SNX29: variants seen among roughly 807,000 people sequenced by gnomAD.
SNX29 encodes sorting nexin-29.
SNX29 carries 78 observed loss-of-function variants against 102.1 expected under a neutral mutation model. That is an observed-to-expected ratio of 0.76 (90% CI 0.64 to 0.92). The LOEUF is 0.92. SNX29 is among the 40% of genes least tolerant of loss of function. The pLI, the probability that SNX29 is intolerant of heterozygous loss-of-function variation, is 0.00. For synonymous variants in SNX29, 580 were observed against 414.5 expected, an observed-to-expected ratio of 1.40 and a Z score of -4.85; for missense variants, 1,280 against 1,061.7, an observed-to-expected ratio of 1.21 and a Z score of -2.86.
At chr16:12,221,373 G>T (rs1034452079) in intron 14 of SNX29, among the ~76,000 whole-genome samples, 2 of 152,186 alleles carry the variant, frequency 1.3e-5, no homozygotes, top group Non-Finnish European at 2.9e-5. Flanking sequence ...CCAGCACTTC[G>T]GGAGGCCGAG....
intron 18 of SNX29, among the ~76,000 whole-genome samples, chr16:12,434,767 C>T (rs1298796325): frequency 6.6e-6 from 1 of 152,106 alleles, no homozygotes; most frequent in Non-Finnish European, 1.5e-5. Context: ...TGCTCCAGTC[C>T]CATGAGCACA....
intron 19 of SNX29, among the ~76,000 whole-genome samples, chr16:12,514,946 A>G (rs1013483635): frequency 4.0e-5 from 6 of 150,980 alleles, no homozygotes; most frequent in African/African-American, 9.8e-5. Flanking sequence ...GAAAGAGAGA[A>G]AGAAAGAAAA....
intron 1 of SNX29, among the ~76,000 whole-genome samples, chr16:11,993,588 A>G (rs753478489): frequency 2.0e-5 from 3 of 152,096 alleles, no homozygotes; most frequent in African/African-American, 7.2e-5. Context: ...TCGTCCGAAG[A>G]GGTAGGTTCT....
chr16:12,276,193 C>T (rs771712948), intron 14 of SNX29, among the ~76,000 whole-genome samples: 4 of 152,134 alleles, frequency 2.6e-5, no homozygotes, highest in Admixed American at 2.0e-4. Context: ...CGCACCTGGC[C>T]TTAATTGACA....
intron 18 of SNX29, among the ~76,000 whole-genome samples, chr16:12,476,424 A>ATATATACATG (rs1567603497): frequency 7.8e-5 from 7 of 89,662 alleles, no homozygotes; most frequent in Admixed American, 1.4e-4. Flanking sequence ...ATATATATAT[A>ATATATACATG]TATATATATA....
In SNX29 at chr16:12,019,294, G is replaced by A. The variant is rs536267703; in HGVS notation, c.123-8026G>A. ...ACTATCTCGGCTCACGGCAAGCTCC[G>A]CCTCCCAGGTTCACGCCATTCTCCT... On this transcript the variant is annotated intron_variant, in intron 3 of 20. Coordinates refer to ENST00000566228, the MANE Select transcript of SNX29 (RefSeq NM_032167.5). Among the ~76,000 whole-genome samples, 10 of 151,610 alleles carry A rather than the reference G, an allele frequency of 6.6e-5. No homozygotes were observed. The South Asian group carries it at 1.3e-3, about 19-fold the overall frequency.
intron 20 of SNX29, chr16:12,546,224 G>T (rs1272702520): frequency 6.6e-6 from 1 of 152,244 alleles, no homozygotes; most frequent in Non-Finnish European, 1.5e-5. Flanking sequence ...ACTCATTGCT[G>T]TAGAGGTAAA....
intron 13 of SNX29, among the ~76,000 whole-genome samples, chr16:12,194,128 A>T (rs558499047): frequency 6.6e-6 from 1 of 152,264 alleles, no homozygotes; most frequent in Non-Finnish European, 1.5e-5. Flanking sequence ...TGAACCTGGT[A>T]TCTCCAGGTA....
At chr16:12,515,656 C>G (rs901963744) in intron 19 of SNX29, 3 of 482,452 alleles carry the variant, frequency 6.2e-6, no homozygotes, top group Non-Finnish European at 1.2e-5. Context: ...CCAAGTCCAT[C>G]TCTGTGCCAG....
chr16:12,355,944 A>C (rs1015132141), intron 15 of SNX29, among the ~76,000 whole-genome samples: 2 of 151,552 alleles, frequency 1.3e-5, no homozygotes, highest in Non-Finnish European at 2.9e-5. Flanking sequence ...CCATAACTTC[A>C]TACTGTTGAC....
intron 14 of SNX29, among the ~76,000 whole-genome samples, chr16:12,239,366 G>C (rs1006349857): frequency 6.6e-6 from 1 of 152,150 alleles, no homozygotes; most frequent in East Asian, 1.9e-4. Flanking sequence ...GTTTTTCAGT[G>C]GTCAGAACCC....
intron 11 of SNX29, chr16:12,088,106 G>T: frequency 2.2e-6 from 1 of 456,684 alleles, no homozygotes; most frequent in Non-Finnish European, 4.4e-6. Flanking sequence ...AGGTCCTGCC[G>T]TGGGTGTCTG....
rs530399018 is a variant in SNX29, at chr16:12,516,750, C to T, written c.2179-7952C>T. The stretch of plus-strand genomic sequence containing the variant: ...AATGCAAAATCACCTCTGTCTGTCA[C>T]GTAGCTGACACGAGGTGCGGCTCCT... On this transcript the variant is annotated intron_variant, in intron 19 of 20. Coordinates refer to ENST00000566228, the MANE Select transcript of SNX29 (RefSeq NM_032167.5). Among the ~76,000 whole-genome samples, 6 of 152,146 alleles carry T rather than the reference C, an allele frequency of 3.9e-5. No homozygotes were observed. The East Asian group carries it at 5.8e-4, about 15-fold the overall frequency.
intron 19 of SNX29, among the ~76,000 whole-genome samples, chr16:12,492,105 A>G (rs1490171116): frequency 6.6e-6 from 1 of 152,228 alleles, no homozygotes; most frequent in Non-Finnish European, 1.5e-5. Context: ...GAATCGCCAC[A>G]CTGACTTCCA....
At chr16:12,462,339 G>C (rs2086843847) in intron 18 of SNX29, among the ~76,000 whole-genome samples, 1 of 151,978 alleles carries the variant, frequency 6.6e-6, no homozygotes, top group African/African-American at 2.4e-5. Flanking sequence ...CTACAGTTTA[G>C]TCTTCATCCA....
chr16:12,401,185 T>G lies in SNX29; in HGVS notation c.1956-2263T>G, dbSNP rs144781909. ...ATAACTAGACAGATCAGTAAGGGGT[T>G]AGAAGATTTGAACAACATGAGAAAC... On this transcript the variant is annotated intron_variant, in intron 17 of 20. Transcript: ENST00000566228. Among the ~76,000 whole-genome samples the G allele has an allele frequency of 6.1e-3, 934 of 152,148 alleles. 9 individuals are homozygous for G. The highest frequency in any genetic ancestry group is 0.021 in the African/African-American group (886 of 41,494).
chr16:12,194,032 G>C (rs1179208476), intron 13 of SNX29, among the ~76,000 whole-genome samples: 1 of 152,158 alleles, frequency 6.6e-6, no homozygotes, highest in Non-Finnish European at 1.5e-5. Context: ...AAGAAATCCT[G>C]CTGGGATTTT....
At chr16:12,389,154 C>G (rs2083438329) in intron 16 of SNX29, among the ~76,000 whole-genome samples, 3 of 152,216 alleles carry the variant, frequency 2.0e-5, no homozygotes, top group African/African-American at 7.2e-5. Context: ...AGTTCAGATT[C>G]TCGGTTTTGG....
At chr16:12,187,286 G>A (rs1048440916) in intron 13 of SNX29, among the ~76,000 whole-genome samples, 11 of 152,336 alleles carry the variant, frequency 7.2e-5, no homozygotes, top group African/African-American at 2.6e-4. Flanking sequence ...AGAGCTGGGC[G>A]CGGTGGCCCA....
Sources: gnomAD v4.1 joint callset for allele counts (sites outside exome capture counted in the v4.1 genomes callset) on GRCh38, gnomAD v4.1.1 for gene constraint, MANE v1.5 for transcripts, NCBI Gene and HGNC (gene_info 2026-07-23, HGNC 2026-07-21) for gene names.